CA7: variants seen among roughly 807,000 people sequenced by gnomAD.
CA7 encodes carbonate dehydratase VII.
In CA7, 13 loss-of-function variants were observed where a neutral mutation model predicts 31.4. The ratio of observed to expected loss-of-function variants is 0.41; its 90% CI spans 0.27 to 0.66. CA7 has a LOEUF of 0.66. Among genes scored for constraint, CA7 ranks in the 30% least tolerant of loss-of-function variants. The pLI is 0.28. For synonymous variants in CA7, 128 were observed against 133.2 expected, an observed-to-expected ratio of 0.96 and a Z score of 0.27; for missense variants, 215 against 351.0, an observed-to-expected ratio of 0.61 and a Z score of 3.10.
intron 3 of CA7, 86 bp from the exon 4 acceptor site, chr16:66,851,377 G>A (rs1961044856): frequency 9.2e-7 from 1 of 1,084,134 alleles, no homozygotes; most frequent in South Asian, 1.3e-5. Flanking sequence ...AAGAGGCCAG[G>A]GGTCTGGTGG....
intron 5 of CA7, 122 bp downstream of exon 5, chr16:66,851,848 G>T (rs1199513396): frequency 2.3e-6 from 2 of 865,426 alleles, no homozygotes; most frequent in Non-Finnish European, 3.8e-6. Flanking sequence ...AAGGAGGAGG[G>T]TCAGCATCAG....
chr16:66,844,848 G>T (rs965846531), intron 1 of CA7: 37 of 1,000,228 alleles, frequency 3.7e-5, no homozygotes, highest in Non-Finnish European at 4.2e-5. Flanking sequence ...CGCCCCGGGC[G>T]TGCGCAGCGC....
At chr16:66,846,684 G>C (rs954952196) in intron 1 of CA7, among the ~76,000 whole-genome samples, 2 of 152,156 alleles carry the variant, frequency 1.3e-5, no homozygotes, top group Admixed American at 1.3e-4. Flanking sequence ...GATACTGATG[G>C]GGTCAGGTCA....
chr16:66,845,311 G>T, intron 1 of CA7: 1 of 849,446 alleles, frequency 1.2e-6, no homozygotes, highest in Non-Finnish European at 1.4e-6. Context: ...AGCAGGGGTG[G>T]GGGTGTGGGG....
chr16:66,853,329 C>A lies in CA7; in HGVS notation c.673-47C>A, dbSNP rs758150913. On this transcript the variant is annotated intron_variant, in intron 6 of 6. Coordinates refer to ENST00000338437, the MANE Select transcript of CA7 (RefSeq NM_005182.3). The surrounding 1 kb of genome is among the most constrained non-coding windows in gnomAD (Gnocchi z 4.5). The stretch of plus-strand genomic sequence containing the variant: ...ATGATGCATCTGGGGTCATAGAGGA[C>A]CACAGCACCCCCAATCTGCCCTGAG... 3 of 1,612,106 alleles carry A rather than the reference C, an allele frequency of 1.9e-6. No individual in the cohort carries two copies. Among genetic ancestry groups the A allele is most frequent in the East Asian group, 4.5e-5 (2 of 44,858 alleles).
intron 2 of CA7, among the ~76,000 whole-genome samples, chr16:66,850,119 T>C (rs1296311751): frequency 1.6e-5 from 1 of 62,890 alleles, no homozygotes; most frequent in African/African-American, 7.9e-5. Flanking sequence ...CGAGACTCCA[T>C]CTCAAAAAAA....
Position 66,850,553 on chromosome 16 carries a change from G to T in CA7, c.251G>T (p.Gly84Val). 6.2e-7 allele frequency: 1 copy of T among 1,611,084 alleles called. No individual in the cohort carries two copies. The highest frequency in any genetic ancestry group is 8.5e-7 in the Non-Finnish European group (1 of 1,177,276). The change falls in exon 3 of 7, where the codon GGC becomes GTC. Residue 84 changes from glycine to valine, a missense_variant. Coordinates refer to ENST00000338437, the MANE Select transcript of CA7 (RefSeq NM_005182.3). ...CTTCTACCCACAGTGGTGACTGGGGGCCCCCTGGAAGGGCCCTACCGCCTC... is the reference window on the plus strand; with the variant it reads ...CTTCTACCCACAGTGGTGACTGGGGTCCCCCTGGAAGGGCCCTACCGCCTC... ...DSDDRTVVTG[G>V]PLEGPYRLKQ...
At chr16:66,850,175 C>T (rs1012564787) in intron 2 of CA7, among the ~76,000 whole-genome samples, 13 of 148,890 alleles carry the variant, frequency 8.7e-5, no homozygotes, top group Non-Finnish European at 1.5e-4. Flanking sequence ...CACAGTGGCT[C>T]GTGCCTGTAA....
At position 66,851,648 on chromosome 16, in the gene CA7, G is replaced by A. The variant is rs1308195843; in HGVS notation, c.454-16G>A. 6.2e-7 allele frequency: 1 copy of A among 1,614,012 alleles called. No homozygotes were observed. Among genetic ancestry groups the A allele is most frequent in the Admixed American group, 1.7e-5 (1 of 60,026 alleles). On this transcript the variant is annotated splice_polypyrimidine_tract_variant and intron_variant, in intron 4 of 6. Transcript: ENST00000338437. ...ACACAGTGGGCTCTGGGCTCACACT[G>A]CCCTCTCCCTGACAGACAGGAGACG...
chr16:66,850,525 C>T lies in CA7; in HGVS notation c.239-16C>T. 2.1e-6 allele frequency: 3 copies of T among 1,456,660 alleles called. No individual in the cohort carries two copies. Among genetic ancestry groups the T allele is most frequent in the Non-Finnish European group, 2.9e-6 (3 of 1,036,136 alleles). The allele number at this position is 1,456,660 out of a possible 1,614,324, so 90.2% of individuals were successfully genotyped here. ...CCTCTCCTACTCATTGCCACTCGCC[C>T]CACTTCTACCCACAGTGGTGACTGG... On this transcript the variant is annotated splice_polypyrimidine_tract_variant and intron_variant, in intron 2 of 6. Coordinates refer to ENST00000338437, the MANE Select transcript of CA7 (RefSeq NM_005182.3).
chr16:66,853,576 A>C lies in CA7; in HGVS notation c.*78A>C. 4 of 1,580,186 alleles carry C rather than the reference A, an allele frequency of 2.5e-6. No individual in the cohort carries two copies. In the South Asian group the frequency reaches 4.5e-5, roughly 18 times the overall value. ...ATGTCAGCAGACACCAAACCATCTGAGGCTTCCTCCCTGGGGGGTGCTGGG... is the reference window on the plus strand; with the variant it reads ...ATGTCAGCAGACACCAAACCATCTGCGGCTTCCTCCCTGGGGGGTGCTGGG... On this transcript the variant is annotated 3_prime_UTR_variant, in exon 7 of 7. Coordinates refer to ENST00000338437, the MANE Select transcript of CA7 (RefSeq NM_005182.3). This position sits in a 1 kb window ranked among gnomAD's most constrained non-coding sequence, Gnocchi z 4.5.
intron 1 of CA7, 26 bp from the exon 2 acceptor site, chr16:66,847,004 G>A: frequency 6.2e-7 from 1 of 1,611,410 alleles, no homozygotes; most frequent in Non-Finnish European, 8.5e-7. Flanking sequence ...GCTGGCCTGA[G>A]TCCTTGCCCT....
chr16:66,853,573 C>G lies in CA7; in HGVS notation c.*75C>G. 6.3e-7 allele frequency: 1 copy of G among 1,580,770 alleles called. No homozygotes were observed. The highest frequency in any genetic ancestry group is 8.6e-7 in the Non-Finnish European group (1 of 1,162,812). ...TCCATGTCAGCAGACACCAAACCAT[C>G]TGAGGCTTCCTCCCTGGGGGGTGCT... On this transcript the variant is annotated 3_prime_UTR_variant, in exon 7 of 7. Transcript: ENST00000338437. This position sits in a 1 kb window ranked among gnomAD's most constrained non-coding sequence, Gnocchi z 4.5.
Position 66,853,354 on chromosome 16 carries a change from G to C in CA7, c.673-22G>C. The stretch of plus-strand genomic sequence containing the variant: ...CCACAGCACCCCCAATCTGCCCTGA[G>C]CATTCCTTCTGCTTCCTCAAGATGG... On this transcript the variant is annotated intron_variant, in intron 6 of 6. Transcript: ENST00000338437. The surrounding 1 kb of genome is among the most constrained non-coding windows in gnomAD (Gnocchi z 4.5). 1 of 1,614,048 alleles carries C rather than the reference G, an allele frequency of 6.2e-7. No individual in the cohort carries two copies. Among genetic ancestry groups the C allele is most frequent in the Non-Finnish European group, 8.5e-7 (1 of 1,179,940 alleles).
chr16:66,848,767 G>A lies in CA7; in HGVS notation c.238+1540G>A, dbSNP rs567795935. ...GGGGTCCAAGGTCAAGGGGTGTTACGGAGGGAGCTCCCTCTCTAGGAGCCC... is the reference window on the plus strand; with the variant it reads ...GGGGTCCAAGGTCAAGGGGTGTTACAGAGGGAGCTCCCTCTCTAGGAGCCC... On this transcript the variant is annotated intron_variant, in intron 2 of 6. Coordinates refer to ENST00000338437, the MANE Select transcript of CA7 (RefSeq NM_005182.3). Among the ~76,000 whole-genome samples, 8 of 152,294 alleles carry A rather than the reference G, an allele frequency of 5.3e-5. No homozygotes were observed. In the East Asian group the frequency reaches 5.8e-4, roughly 11 times the overall value.
At chr16:66,848,335 G>A (rs765982620) in intron 2 of CA7, among the ~76,000 whole-genome samples, 16 of 152,192 alleles carry the variant, frequency 1.1e-4, no homozygotes, top group Non-Finnish European at 2.4e-4. Flanking sequence ...CTTTGGGGAG[G>A]GGGCGTGGGG....
intron 5 of CA7, 112 bp from the exon 6 acceptor site, chr16:66,852,600 A>C: frequency 3.0e-6 from 1 of 333,486 alleles, no homozygotes; most frequent in Non-Finnish European, 4.8e-6. Context: ...AAAAAAAGAA[A>C]AGAAAAGAAA....
In CA7 at chr16:66,851,498, C is replaced by T. The variant is rs1961049428; in HGVS notation, c.393C>T (p.Ser131=). 7 of 1,614,030 alleles carry T rather than the reference C, an allele frequency of 4.3e-6. No homozygotes were observed. In the South Asian group the frequency reaches 4.4e-5, roughly 10 times the overall value. ...HLVHWNAKKY[S]TFGEAASAPD... is the part of the protein sequence containing the mutation. ...TTCACTGGAATGCCAAGAAGTACAG[C>T]ACTTTTGGGGAGGCGGCCTCAGCAC... is the stretch of plus-strand genomic sequence containing the variant. Residue 131 remains serine (S), a synonymous_variant, in exon 4 of 7, where the codon AGC becomes AGT. Transcript: ENST00000338437.
chr16:66,849,275 G>A (rs536702130), intron 2 of CA7, among the ~76,000 whole-genome samples: 1 of 152,188 alleles, frequency 6.6e-6, no homozygotes, highest in Non-Finnish European at 1.5e-5. Flanking sequence ...GGCCATTTCT[G>A]GGGGAGGCGG....
Sources: gnomAD v4.1 joint callset for allele counts (sites outside exome capture counted in the v4.1 genomes callset) on GRCh38, gnomAD v4.1.1 for gene constraint, Gnocchi (gnomAD v3.1) non-coding constraint, MANE v1.5 for transcripts, NCBI Gene and HGNC (gene_info 2026-07-23, HGNC 2026-07-21) for gene names.